The following TAF4B variants were observed in gnomAD, a reference collection of about 807,000 sequenced individuals.
The protein encoded by TAF4B is TATA-box binding protein associated factor 4b, also known as transcription initiation factor TFIID subunit 4B.
In TAF4B, 38 loss-of-function variants were observed where a neutral mutation model predicts 86.4. The ratio of observed to expected loss-of-function variants is 0.44; its 90% CI spans 0.34 to 0.58. TAF4B has a LOEUF of 0.58. Ranked by LOEUF, TAF4B falls within the 20% of genes least tolerant of loss-of-function variation. The probability of loss-of-function intolerance (pLI) is 0.02; values close to 1 mark genes in which losing one functional copy is unlikely to be tolerated. For synonymous variants in TAF4B, 388 were observed against 391.2 expected (o/e 0.99, Z 0.10); for missense variants, 988 against 1,027.6 (o/e 0.96, Z 0.53).
intron 7 of TAF4B, among the ~76,000 whole-genome samples, chr18:26,288,893 ACTTCCTAC>A (rs2056559208): frequency 6.6e-6 from 1 of 152,172 alleles, no homozygotes; most frequent in African/African-American, 2.4e-5. Flanking sequence ...GGGTTTTTTT[ACTTCCTAC>A]CTTCATTTTT....
At chr18:26,285,510 T>G (rs1439766972) in intron 6 of TAF4B, among the ~76,000 whole-genome samples, 1 of 152,024 alleles carries the variant, frequency 6.6e-6, no homozygotes, top group African/African-American at 2.4e-5. Flanking sequence ...GAAAGTTACT[T>G]AATGAAGAGA....
intron 12 of TAF4B, among the ~76,000 whole-genome samples, chr18:26,330,103 G>A (rs1304449110): frequency 1.3e-5 from 2 of 151,998 alleles, no homozygotes; most frequent in Non-Finnish European, 2.9e-5. Context: ...AAACCTCCGT[G>A]TGTTAACCAT....
In TAF4B at chr18:26,315,585, G is replaced by T. The variant is rs76726270; in HGVS notation, c.2002+187G>T. Among the ~76,000 whole-genome samples the T allele has an allele frequency of 1.6e-3, 246 of 152,130 alleles. 3 individuals are homozygous for T. Among genetic ancestry groups the T allele is most frequent in the African/African-American group, 5.5e-3 (229 of 41,504 alleles). On this transcript the variant is annotated intron_variant, in intron 10 of 14. Transcript: ENST00000269142. ...TTTTAAAAATTATTAATATAACATG[G>T]TATTGGGTTTGGTTAATATTTTACT...
rs1978658658 is a variant in TAF4B at position 26,390,711 on chromosome 18, T to C, written c.*699T>C. 1 of 152,138 alleles carries C rather than the reference T, an allele frequency of 6.6e-6. No homozygotes were observed. The allele number at this position is 152,138 out of a possible 1,614,324, so 9.4% of individuals were successfully genotyped here. On this transcript the variant is annotated 3_prime_UTR_variant, in exon 15 of 15. Coordinates refer to ENST00000269142, the MANE Select transcript of TAF4B (RefSeq NM_005640.3). Reference sequence around the variant, plus strand: ...TTGAAAAAATGGAAAAGGTGCAAAGTATTAGAAGGAACGTTAGGGCGTTGC... The same window carrying C: ...TTGAAAAAATGGAAAAGGTGCAAAGCATTAGAAGGAACGTTAGGGCGTTGC...
chr18:26,247,423 C>T lies in TAF4B; in HGVS notation c.344-17747C>T, dbSNP rs555467819. 1.2e-4 allele frequency among the ~76,000 whole-genome samples: 19 copies of T among 152,294 alleles called. No individual in the cohort carries two copies. In the South Asian group the frequency reaches 3.9e-3, roughly 32 times the overall value. ...GAGGACCCTCCAAATTCTCAGCCGTCTGAAAGTATGGGTCTTTAAGTTATC... is the reference window on the plus strand; with the variant it reads ...GAGGACCCTCCAAATTCTCAGCCGTTTGAAAGTATGGGTCTTTAAGTTATC... On this transcript the variant is annotated intron_variant, in intron 1 of 14. Transcript: ENST00000269142.
chr18:26,343,462 C>A (rs1433959616), intron 13 of TAF4B, among the ~76,000 whole-genome samples: 3 of 152,192 alleles, frequency 2.0e-5, no homozygotes, highest in African/African-American at 7.2e-5. Flanking sequence ...ATGCACAGGG[C>A]AGATCCAAAT....
chr18:26,297,557 C>T (rs1012272374), intron 9 of TAF4B, among the ~76,000 whole-genome samples: 1 of 152,082 alleles, frequency 6.6e-6, no homozygotes, highest in African/African-American at 2.4e-5. Context: ...CATGAGTGAC[C>T]CAATTCATAT....
At chr18:26,380,220 GCCTTATT>G (rs1226893584) in intron 14 of TAF4B, among the ~76,000 whole-genome samples, 1 of 152,090 alleles carries the variant, frequency 6.6e-6, no homozygotes, top group African/African-American at 2.4e-5. Context: ...AGACATCCAT[GCCTTATT>G]CCTGATCTTA....
chr18:26,344,300 T>TAGA (rs145559403), intron 13 of TAF4B, among the ~76,000 whole-genome samples: 1,775 of 149,820 alleles, frequency 0.012, 28 homozygotes, highest in Non-Finnish European at 0.015. Context: ...GACACATCAA[T>TAGA]AGAAGAACAA....
At position 26,315,136 on chromosome 18, in the gene TAF4B, CTCTCTCTCTG is replaced by C. The variant is rs1221002114; in HGVS notation, c.1833-83_1833-74del. The C allele has an allele frequency of 2.3e-3, 702 of 310,576 alleles. 10 individuals carry two copies. The highest frequency in any genetic ancestry group is 9.2e-3 in the African/African-American group (189 of 20,534). 19.2% of individuals were successfully genotyped at this position (310,576 alleles called of 1,614,324 possible). A position where few individuals can be genotyped will look rare whatever the true frequency, so the allele number is the denominator to read the frequency against. On this transcript the variant is annotated intron_variant, in intron 9 of 14. Transcript: ENST00000269142. ...TCTCTCTCTCTCTCTCTCTCTCTCT[CTCTCTCTCTG>C]TCTCTCTCTCTCTCTCACACACACA... is the stretch of plus-strand genomic sequence containing the variant.
chr18:26,308,684 C>T (rs975944449), intron 9 of TAF4B, among the ~76,000 whole-genome samples: 2 of 151,836 alleles, frequency 1.3e-5, no homozygotes, highest in African/African-American at 4.8e-5. Context: ...ATCAGCCTGG[C>T]CAACATGGTG....
intron 13 of TAF4B, among the ~76,000 whole-genome samples, chr18:26,343,629 C>T (rs2057153470): frequency 6.6e-6 from 1 of 152,150 alleles, no homozygotes; most frequent in Non-Finnish European, 1.5e-5. Flanking sequence ...TTTCATAATA[C>T]AGTTGACATA....
chr18:26,297,279 G>A (rs2056675885), intron 9 of TAF4B, among the ~76,000 whole-genome samples: 1 of 152,172 alleles, frequency 6.6e-6, no homozygotes, highest in Non-Finnish European at 1.5e-5. Flanking sequence ...TTAAAAAAGA[G>A]ACATGACATG....
At chr18:26,364,630 C>T (rs2057357298) in intron 14 of TAF4B, among the ~76,000 whole-genome samples, 1 of 151,882 alleles carries the variant, frequency 6.6e-6, no homozygotes, top group African/African-American at 2.4e-5. Context: ...ATTAATGATC[C>T]AGCAACGTTT....
intron 1 of TAF4B, among the ~76,000 whole-genome samples, chr18:26,230,615 C>T: frequency 6.6e-6 from 1 of 152,208 alleles, no homozygotes. Context: ...GTGCTCCTCT[C>T]CTGCGGATCT....
rs12956119 is a variant in TAF4B, at chr18:26,273,867, G to T, written c.598-796G>T. Reference sequence around the variant, plus strand: ...TTGTGTTGCATGCTTGTAGAACATAGACATTTAAATTAAATGATGGTGCAT... The same window carrying T: ...TTGTGTTGCATGCTTGTAGAACATATACATTTAAATTAAATGATGGTGCAT... On this transcript the variant is annotated intron_variant, in intron 3 of 14. Transcript: ENST00000269142. Among the ~76,000 whole-genome samples the T allele has an allele frequency of 2.0e-5, 3 of 152,266 alleles. No individual in the cohort carries two copies. The East Asian group carries it at 5.8e-4, about 29-fold the overall frequency.
intron 1 of TAF4B, among the ~76,000 whole-genome samples, chr18:26,251,461 T>G (rs1340041772): frequency 6.6e-6 from 1 of 152,064 alleles, no homozygotes; most frequent in Admixed American, 6.6e-5. Flanking sequence ...ACCAAGAAAT[T>G]GGCATTTTTG....
At chr18:26,267,794 T>G (rs1274783300) in intron 3 of TAF4B, among the ~76,000 whole-genome samples, 171 bp downstream of exon 3, 1 of 152,244 alleles carries the variant, frequency 6.6e-6, no homozygotes, top group African/African-American at 2.4e-5. Context: ...GGAAACAAGA[T>G]AAACATGGTG....
intron 1 of TAF4B, among the ~76,000 whole-genome samples, chr18:26,238,252 A>C (rs1271968045): frequency 6.6e-6 from 1 of 152,196 alleles, no homozygotes; most frequent in Admixed American, 6.5e-5. Flanking sequence ...CTCTTGTCCT[A>C]TAAAGCTGAT....
Sources: gnomAD v4.1 joint callset for allele counts (sites outside exome capture counted in the v4.1 genomes callset) on GRCh38, gnomAD v4.1.1 for gene constraint, MANE v1.5 for transcripts, NCBI Gene and HGNC (gene_info 2026-07-23, HGNC 2026-07-21) for gene names.